CCDC141: variants seen among roughly 807,000 people sequenced by gnomAD.
CCDC141 encodes the protein coiled-coil domain containing 141.
A neutral mutation model predicts 181.0 loss-of-function variants in CCDC141; 168 were observed. The ratio of observed to expected loss-of-function variants is 0.93; its 90% CI spans 0.82 to 1.05. CCDC141 has a LOEUF of 1.05. Among genes scored for constraint, CCDC141 ranks in the 50% least tolerant of loss-of-function variants. The pLI is 0.00. For synonymous variants in CCDC141, 666 were observed against 642.3 expected, an observed-to-expected ratio of 1.04 and a Z score of -0.56; for missense variants, 1,902 against 1,788.5, an observed-to-expected ratio of 1.06 and a Z score of -1.14.
chr2:178,831,505 T>C lies in CCDC141; in HGVS notation c.*2668A>G, dbSNP rs931965003. ...TTTCTTGTTGAAAATGTTTTGATAT[T>C]ACTAACCATTCAGGATTTTCTCTAG... On this transcript the variant is annotated 3_prime_UTR_variant, in exon 24 of 24. Coordinates refer to ENST00000443758, the MANE Select transcript of CCDC141 (RefSeq NM_173648.4). 14 of 152,230 alleles carry C rather than the reference T, an allele frequency of 9.2e-5. No homozygotes were observed. Among genetic ancestry groups the C allele is most frequent in the African/African-American group, 3.1e-4 (13 of 41,466 alleles). The allele number at this position is 152,230 out of a possible 1,614,324, so 9.4% of individuals were successfully genotyped here.
chr2:178,856,090 T>C (rs185204231), intron 18 of CCDC141, among the ~76,000 whole-genome samples, 167 bp downstream of exon 18: 1 of 152,350 alleles, frequency 6.6e-6, no homozygotes, highest in East Asian at 1.9e-4. Context: ...TATGTATTTT[T>C]ACATGAAGGA....
chr2:178,934,786 A>G (rs1296222426), intron 6 of CCDC141, among the ~76,000 whole-genome samples: 1 of 152,214 alleles, frequency 6.6e-6, no homozygotes, highest in Non-Finnish European at 1.5e-5. Context: ...TGGGTAGCAG[A>G]GAACACCTGC....
At chr2:179,027,863 G>A (rs1450992862) in intron 2 of CCDC141, among the ~76,000 whole-genome samples, 1 of 151,998 alleles carries the variant, frequency 6.6e-6, no homozygotes, top group East Asian at 1.9e-4. Context: ...GTGAAAACTA[G>A]CTAATACACC....
rs769871329 is a variant in CCDC141, at chr2:178,975,073, A to T, written c.510T>A (p.His170Gln). The T allele has an allele frequency of 5.3e-6, 8 of 1,506,916 alleles. No homozygotes were observed. The Admixed American group carries it at 1.2e-4, about 23-fold the overall frequency. 93.3% of individuals were successfully genotyped at this position (1,506,916 alleles called of 1,614,324 possible). The change falls in exon 4 of 24, where the codon CAT (histidine) becomes CAA (glutamine). Residue 170 changes from histidine to glutamine, a missense_variant. By Grantham distance (24) the His-to-Gln change is conservative. Transcript: ENST00000443758. ...AESLKSLLQL[H>Q]EHHTKELLER... ...ATTTCTTGCCTTTAGTATGATGTTC[A>T]TGAAGCTGAAGAAGTGATTTTAAGG... is the stretch of plus-strand genomic sequence containing the variant.
intron 6 of CCDC141, among the ~76,000 whole-genome samples, chr2:178,923,585 A>T (rs981258340): frequency 6.6e-6 from 1 of 152,080 alleles, no homozygotes; most frequent in African/African-American, 2.4e-5. Flanking sequence ...GGTCTCAGTC[A>T]CTTTGCAATA....
At chr2:178,925,677 T>G (rs1271457856) in intron 6 of CCDC141, among the ~76,000 whole-genome samples, 1 of 152,238 alleles carries the variant, frequency 6.6e-6, no homozygotes, top group Non-Finnish European at 1.5e-5. Context: ...CACGTTTTCT[T>G]CTAGTTAAGT....
intron 2 of CCDC141, among the ~76,000 whole-genome samples, chr2:178,981,264 A>G (rs905172709): frequency 6.6e-6 from 1 of 152,150 alleles, no homozygotes; most frequent in Non-Finnish European, 1.5e-5. Context: ...TGGCATTTAT[A>G]GAATAATTCT....
chr2:178,900,838 C>T (rs1687651232), intron 8 of CCDC141, among the ~76,000 whole-genome samples: 1 of 152,128 alleles, frequency 6.6e-6, no homozygotes, highest in Non-Finnish European at 1.5e-5. Flanking sequence ...CCTTAACCAA[C>T]TAGAAAAACA....
chr2:178,900,182 T>G (rs569174249), intron 8 of CCDC141, among the ~76,000 whole-genome samples: 1 of 152,296 alleles, frequency 6.6e-6, no homozygotes, highest in East Asian at 1.9e-4. Flanking sequence ...ATGATTTTCT[T>G]AAACCCACTT....
At chr2:179,048,249 C>T (rs111337675) in intron 1 of CCDC141, among the ~76,000 whole-genome samples, 1,987 of 152,302 alleles carry the variant, frequency 0.013, 20 homozygotes, top group South Asian at 0.025. Context: ...TCCCCTGAGA[C>T]AGTTTGGACA....
In CCDC141 at chr2:178,837,133, C is replaced by A; in HGVS notation, c.4086G>T (p.Leu1362=). 6.2e-7 allele frequency: 1 copy of A among 1,613,936 alleles called. No homozygotes were observed. Among genetic ancestry groups the A allele is most frequent in the Non-Finnish European group, 8.5e-7 (1 of 1,179,952 alleles). Residue 1362 remains leucine (L), a synonymous_variant, in exon 23 of 24, where the codon CTG becomes CTT. Transcript: ENST00000443758. ...CCGAGAATGCATCAGAGGAAGCATG[C>A]AGCCTATCTTGGGTTTTAGTGAAGT... is the stretch of plus-strand genomic sequence containing the variant. The part of the protein sequence containing the change: ...DNNFTKTQDR[L]HASSDAFSGL...
intron 8 of CCDC141, among the ~76,000 whole-genome samples, chr2:178,902,957 G>A (rs543661220): frequency 4.7e-5 from 7 of 148,856 alleles, no homozygotes; most frequent in Non-Finnish European, 7.4e-5. Context: ...GACATGAACA[G>A]ACACTTCTCA....
At chr2:179,011,927 C>G (rs1302627083) in intron 2 of CCDC141, among the ~76,000 whole-genome samples, 1 of 152,072 alleles carries the variant, frequency 6.6e-6, no homozygotes. Flanking sequence ...AACTGGATGA[C>G]AATAATGACA....
Position 179,047,313 on chromosome 2 carries a change from C to A in CCDC141, c.196G>T (p.Asp66Tyr). Residue 66 changes from aspartate to tyrosine, a missense_variant, in exon 2 of 24, where the codon GAT (aspartate) becomes TAT (tyrosine). By Grantham distance (160) the Asp-to-Tyr change is radical. Coordinates refer to ENST00000443758, the MANE Select transcript of CCDC141 (RefSeq NM_173648.4). ...AGCTTGGCCAAAAGAAGTTCATGAT[C>A]ATGAAGAAGTTTTTTGGTTTCATCT... is the stretch of plus-strand genomic sequence containing the variant. ...SQDETKKLLH[D>Y]HELLLAKLKA... The A allele has an allele frequency of 6.5e-7, 1 of 1,542,204 alleles. No homozygotes were observed. Among genetic ancestry groups the A allele is most frequent in the Non-Finnish European group, 8.7e-7 (1 of 1,144,942 alleles).
At chr2:178,961,098 G>A (rs958358611) in intron 5 of CCDC141, 132 bp downstream of exon 5, 1 of 930,524 alleles carries the variant, frequency 1.1e-6, no homozygotes, top group African/African-American at 1.7e-5. Flanking sequence ...TGGTAGTTTG[G>A]ATGAAAGCTT....
intron 2 of CCDC141, among the ~76,000 whole-genome samples, chr2:179,035,104 T>C (rs1436904524): frequency 6.6e-5 from 10 of 151,396 alleles, no homozygotes; most frequent in Admixed American, 3.9e-4. Flanking sequence ...TAGATCTCTG[T>C]GTGCTGAATT....
chr2:178,866,622 C>T (rs1685864791), intron 16 of CCDC141, among the ~76,000 whole-genome samples: 1 of 151,964 alleles, frequency 6.6e-6, no homozygotes, highest in Non-Finnish European at 1.5e-5. Context: ...AATGTTATAC[C>T]TATTGTTAGA....
At chr2:178,955,330 A>T (rs918622301) in intron 5 of CCDC141, among the ~76,000 whole-genome samples, 3 of 151,946 alleles carry the variant, frequency 2.0e-5, no homozygotes, top group African/African-American at 7.2e-5. Flanking sequence ...AAGTTCAGAA[A>T]AACTGAAAAA....
intron 2 of CCDC141, among the ~76,000 whole-genome samples, chr2:179,028,623 T>C (rs2042921079): frequency 6.6e-6 from 1 of 152,210 alleles, no homozygotes; most frequent in East Asian, 1.9e-4. Context: ...TCTTATCCTA[T>C]AGGATTTAAG....
Sources: gnomAD v4.1 joint callset for allele counts (sites outside exome capture counted in the v4.1 genomes callset) on GRCh38, gnomAD v4.1.1 for gene constraint, MANE v1.5 for transcripts, NCBI Gene and HGNC (gene_info 2026-07-23, HGNC 2026-07-21) for gene names.